Variants in TREML1 observed in about 807,000 individuals in gnomAD.
TREML1 encodes the protein triggering receptor expressed on myeloid cells like 1.
TREML1 carries 27 observed loss-of-function variants against 22.8 expected under a neutral mutation model. The observed-to-expected ratio is 1.19, with a 90% CI of 0.87 to 1.64. The LOEUF (loss-of-function observed/expected upper bound fraction) is 1.64. TREML1 is among the 40% of genes most tolerant of loss of function. TREML1 has a pLI of 0.00. For synonymous variants in TREML1, 153 were observed against 161.9 expected (o/e 0.94, Z 0.42); for missense variants, 356 against 382.0 (o/e 0.93, Z 0.57).
rs776993983 is a variant in TREML1, at chr6:41,149,935, C to T, written c.622-17G>A. On this transcript the variant is annotated splice_polypyrimidine_tract_variant and intron_variant, in intron 5 of 5. Coordinates refer to ENST00000426005, the MANE Select transcript of TREML1 (RefSeq NM_178174.4). ...GGAGGGATTCTGTAACAAAAGCAGG[C>T]AAGTCAGGAATGCCTCCCTCTGCCC... The T allele has an allele frequency of 2.1e-5, 33 of 1,606,028 alleles. No homozygotes were observed. The highest frequency in any genetic ancestry group is 2.2e-5 in the Non-Finnish European group (26 of 1,175,334).
At position 41,149,446 on chromosome 6, in the gene TREML1, T is replaced by A; in HGVS notation, c.*158A>T. On this transcript the variant is annotated 3_prime_UTR_variant, in exon 6 of 6. Coordinates refer to ENST00000426005, the MANE Select transcript of TREML1 (RefSeq NM_178174.4). ...TCTTCCCCAAGACATCTCAGTCATGTCTGAGCGTCACTTTCCCTAGTAAAG... is the reference window on the plus strand; with the variant it reads ...TCTTCCCCAAGACATCTCAGTCATGACTGAGCGTCACTTTCCCTAGTAAAG... The A allele has an allele frequency of 1.3e-6, 1 of 790,130 alleles. No homozygotes were observed. Among genetic ancestry groups the A allele is most frequent in the Non-Finnish European group, 2.0e-6 (1 of 504,266 alleles). 48.9% of individuals were successfully genotyped at this position (790,130 alleles called of 1,614,324 possible). A position where few individuals can be genotyped will look rare whatever the true frequency, so the allele number is the denominator to read the frequency against.
Position 41,151,857 on chromosome 6 carries a change from A to G in TREML1, c.377-473T>C, listed in dbSNP as rs1472048223. Among the ~76,000 whole-genome samples the G allele has an allele frequency of 3.3e-5, 5 of 152,074 alleles. No individual in the cohort carries two copies. The East Asian group carries it at 5.8e-4, about 18-fold the overall frequency. ...AATGGGGCTTCCTCACATACCTGTG[A>G]CCCTGCAACCCTAGCCCAAGCTCTG... On this transcript the variant is annotated intron_variant, in intron 2 of 5. Transcript: ENST00000426005.
At position 41,150,264 on chromosome 6, in the gene TREML1, G is replaced by T; in HGVS notation, c.618C>A (p.Gly206=). 6.2e-7 allele frequency: 1 copy of T among 1,613,976 alleles called. No individual in the cohort carries two copies. The change falls in exon 5 of 6, where the codon GGC becomes GGA. Residue 206 remains glycine (G), a synonymous_variant. Transcript: ENST00000426005. ...CGRFLSSRVS[G]MNPSSVVHHV... Reference sequence around the variant, plus strand: ...TGGGCCTGCAGAGGCCTCTTACCATGCCTGAAACTCTGCTGCTCAGGAATC... The same window carrying T: ...TGGGCCTGCAGAGGCCTCTTACCATTCCTGAAACTCTGCTGCTCAGGAATC...
chr6:41,151,311 G>T lies in TREML1; in HGVS notation c.450C>A (p.Asn150Lys), dbSNP rs1255627762. The part of the protein sequence containing the change: ...NAFSDPAGSA[N>K]PLEPSQDEKS... ...TCTCATCCTGGCTGGGTTCCAAAGG[G>T]TTGGCACTGCCTGCAGGGTCTGAGA... Residue 150 changes from asparagine (N) to lysine (K), a missense_variant, in exon 3 of 6, where the codon AAC becomes AAA. Asn to Lys is a moderately conservative substitution (Grantham distance 94, BLOSUM62 0). Transcript: ENST00000426005. 5 of 1,614,190 alleles carry T rather than the reference G, an allele frequency of 3.1e-6. No individual in the cohort carries two copies. Among genetic ancestry groups the T allele is most frequent in the Non-Finnish European group, 3.4e-6 (4 of 1,180,038 alleles).
Position 41,150,799 on chromosome 6 carries a change from A to T in TREML1, c.568+20T>A. 1.2e-6 allele frequency: 2 copies of T among 1,610,182 alleles called. No individual in the cohort carries two copies. The highest frequency in any genetic ancestry group is 1.7e-6 in the Non-Finnish European group (2 of 1,176,486). On this transcript the variant is annotated intron_variant, in intron 4 of 5. Transcript: ENST00000426005. ...ACTGGAATGGTAGGGCCAGGCTGAGATAGGAAGATAGCCACCTACCTTGTT... is the reference window on the plus strand; with the variant it reads ...ACTGGAATGGTAGGGCCAGGCTGAGTTAGGAAGATAGCCACCTACCTTGTT...
chr6:41,153,957 G>T lies in TREML1; in HGVS notation c.177C>A (p.Cys59Ter), dbSNP rs777707299. The T allele has an allele frequency of 6.2e-7, 1 of 1,614,200 alleles. No individual in the cohort carries two copies. Among genetic ancestry groups the T allele is most frequent in the East Asian group, 2.2e-5 (1 of 44,868 alleles). The change falls in exon 2 of 6, where the codon TGC (cysteine) becomes TGA (stop). Residue 59 changes from cysteine to a stop codon, truncating the protein, a stop_gained. Coordinates refer to ENST00000426005, the MANE Select transcript of TREML1 (RefSeq NM_178174.4). LOFTEE classifies it high-confidence loss of function. ...KVWCRFLPEG[C>*]QPLVSSAVDR... ...CCACAGCTGAGGACACCAGGGGCTGGCACCCCTCCGGCAAGAACCGGCACC... is the reference window on the plus strand; with the variant it reads ...CCACAGCTGAGGACACCAGGGGCTGTCACCCCTCCGGCAAGAACCGGCACC...
chr6:41,152,351 C>T (rs1765280235), intron 2 of TREML1, among the ~76,000 whole-genome samples: 1 of 152,116 alleles, frequency 6.6e-6, no homozygotes, highest in South Asian at 2.1e-4. Context: ...GGTCAGGGGC[C>T]CAGGTCCCTG....
At position 41,150,224 on chromosome 6, in the gene TREML1, T is replaced by C. The variant is rs372173031; in HGVS notation, c.621+37A>G. 78 of 1,611,106 alleles carry C rather than the reference T, an allele frequency of 4.8e-5. No individual in the cohort carries two copies. In the East Asian group the frequency reaches 5.4e-4, roughly 11 times the overall value. ...CAGTGAGTGAGATGAATGGAAAGTC[T>C]GGGGAATTTGGCTGTGGGCCTGCAG... is the stretch of plus-strand genomic sequence containing the variant. On this transcript the variant is annotated intron_variant, in intron 5 of 5. Coordinates refer to ENST00000426005, the MANE Select transcript of TREML1 (RefSeq NM_178174.4).
chr6:41,152,775 A>G (rs1385795990), intron 2 of TREML1, among the ~76,000 whole-genome samples: 1 of 152,180 alleles, frequency 6.6e-6, no homozygotes, highest in Admixed American at 6.5e-5. Context: ...TGGGAGGCTG[A>G]GACACAAGAA....
Position 41,153,952 on chromosome 6 carries a change from G to A in TREML1, c.182C>T (p.Pro61Leu), listed in dbSNP as rs747976089. ...GCGATCCACAGCTGAGGACACCAGG[G>A]GCTGGCACCCCTCCGGCAAGAACCG... ...WCRFLPEGCQ[P>L]LVSSAVDRRA... is the part of the protein sequence containing the mutation. Residue 61 changes from proline (P) to leucine (L), a missense_variant, in exon 2 of 6, where the codon CCC becomes CTC. Transcript: ENST00000426005. The A allele has an allele frequency of 6.2e-7, 1 of 1,614,078 alleles. No individual in the cohort carries two copies. Among genetic ancestry groups the A allele is most frequent in the Non-Finnish European group, 8.5e-7 (1 of 1,180,040 alleles).
intron 1 of TREML1, 55 bp downstream of exon 1, chr6:41,154,191 T>C: frequency 1.3e-6 from 2 of 1,599,008 alleles, no homozygotes; most frequent in South Asian, 1.1e-5. Flanking sequence ...ACGTTACTCC[T>C]GGACATGGGG....
Position 41,151,749 on chromosome 6 carries a change from AC to A in TREML1, c.377-366del, listed in dbSNP as rs1343111528. 4 of 222,488 alleles carry A rather than the reference AC, an allele frequency of 1.8e-5. No homozygotes were observed. The East Asian group carries it at 3.8e-4, about 21-fold the overall frequency. 13.8% of individuals were successfully genotyped at this position (222,488 alleles called of 1,614,324 possible). A position where few individuals can be genotyped will look rare whatever the true frequency, so the allele number is the denominator to read the frequency against. On this transcript the variant is annotated intron_variant, in intron 2 of 5. Transcript: ENST00000426005. ...TAAAAACACCTACTGGATGATCTGT[AC>A]CCACCTCTCCTTCCCACCCGAATAG... is the stretch of plus-strand genomic sequence containing the variant.
chr6:41,150,443 C>A, intron 4 of TREML1, 130 bp from the exon 5 acceptor site: 3 of 804,802 alleles, frequency 3.7e-6, no homozygotes, highest in South Asian at 1.7e-5. Context: ...CTCCCACCAC[C>A]AAACCTTTAC....
Position 41,150,878 on chromosome 6 carries a change from A to T in TREML1, c.509T>A (p.Leu170Gln), listed in dbSNP as rs552419957. The T allele has an allele frequency of 1.1e-5, 17 of 1,614,128 alleles. No homozygotes were observed. In the African/African-American group the frequency reaches 2.0e-4, roughly 19 times the overall value. ...SIPLIWGAVL[L>Q]VGLLVAAVVL... ...CACCGCTGCCACCAGCAGACCTACC[A>T]GGAGCACAGCACCCCAGATCAAGGG... The change falls in exon 4 of 6, where the codon CTG becomes CAG. Residue 170 changes from leucine (L) to glutamine (Q), a missense_variant. Transcript: ENST00000426005.
intron 2 of TREML1, 40 bp from the exon 3 acceptor site, chr6:41,151,424 G>A: frequency 6.4e-7 from 1 of 1,567,284 alleles, no homozygotes; most frequent in Non-Finnish European, 8.8e-7. Flanking sequence ...AACATTTAAT[G>A]AGTGCATGCC....
chr6:41,153,953 G>A lies in TREML1; in HGVS notation c.181C>T (p.Pro61Ser), dbSNP rs1268269756. ...CGATCCACAGCTGAGGACACCAGGG[G>A]CTGGCACCCCTCCGGCAAGAACCGG... ...WCRFLPEGCQ[P>S]LVSSAVDRRA... is the part of the protein sequence containing the mutation. The change falls in exon 2 of 6, where the codon CCC (proline) becomes TCC (serine). Residue 61 changes from proline to serine, a missense_variant. Coordinates refer to ENST00000426005, the MANE Select transcript of TREML1 (RefSeq NM_178174.4). The A allele has an allele frequency of 1.9e-6, 3 of 1,614,078 alleles. No individual in the cohort carries two copies. Among genetic ancestry groups the A allele is most frequent in the South Asian group, 1.1e-5 (1 of 91,090 alleles).
At chr6:41,152,328 C>T (rs1177143205) in intron 2 of TREML1, among the ~76,000 whole-genome samples, 1 of 152,178 alleles carries the variant, frequency 6.6e-6, no homozygotes, top group African/African-American at 2.4e-5. Flanking sequence ...ACAGCACCTG[C>T]CCCATGGCAG....
intron 2 of TREML1, among the ~76,000 whole-genome samples, chr6:41,152,213 A>G (rs953999731): frequency 6.6e-6 from 1 of 152,104 alleles, no homozygotes; most frequent in African/African-American, 2.4e-5. Context: ...GGTGCCTATT[A>G]GGCTGCCTTT....
rs118045005 is a variant in TREML1, at chr6:41,151,078, C to A, written c.480-171G>T. On this transcript the variant is annotated intron_variant, in intron 3 of 5. Coordinates refer to ENST00000426005, the MANE Select transcript of TREML1 (RefSeq NM_178174.4). ...GCAGAAGAGGGACTCATTAAGGTAT[C>A]CTGGCTGAAGAATCACCAGCATGAA... Among the ~76,000 whole-genome samples, 63 of 152,262 alleles carry A rather than the reference C, an allele frequency of 4.1e-4. 1 individual carries two copies. The East Asian group carries it at 0.011, about 27-fold the overall frequency.
Sources: gnomAD v4.1 joint callset for allele counts (sites outside exome capture counted in the v4.1 genomes callset) on GRCh38, gnomAD v4.1.1 for gene constraint, MANE v1.5 for transcripts, NCBI Gene and HGNC (gene_info 2026-07-23, HGNC 2026-07-21) for gene names.